TNR: variants seen among roughly 807,000 people sequenced by gnomAD.
The protein encoded by TNR is tenascin R.
TNR carries 45 observed loss-of-function variants against 150.4 expected under a neutral mutation model. The observed-to-expected ratio is 0.30, with a 90% CI of 0.24 to 0.38. The LOEUF (loss-of-function observed/expected upper bound fraction) is 0.38, where lower values mean the gene tolerates loss of function less well. Among genes scored for constraint, TNR ranks in the 10% least tolerant of loss-of-function variants. The probability of loss-of-function intolerance (pLI) is 1.00; values close to 1 mark genes in which losing one functional copy is unlikely to be tolerated. For synonymous variants in TNR, 687 were observed against 678.4 expected (o/e 1.01, Z -0.20); for missense variants, 1,544 against 1,759.1 (o/e 0.88, Z 2.19).
intron 2 of TNR, among the ~76,000 whole-genome samples, chr1:175,512,967 A>G (rs764259373): frequency 6.6e-6 from 1 of 152,206 alleles, no homozygotes; most frequent in Non-Finnish European, 1.5e-5. Context: ...CCAAGGCATC[A>G]GCCATTTCCT....
At chr1:175,479,581 A>G (rs2102126383) in intron 2 of TNR, among the ~76,000 whole-genome samples, 1 of 152,252 alleles carries the variant, frequency 6.6e-6, no homozygotes, top group South Asian at 2.1e-4. Context: ...TTTTGTGCCT[A>G]GGTCTCCTGG....
chr1:175,603,615 C>T (rs770646938), intron 1 of TNR, among the ~76,000 whole-genome samples: 7 of 152,224 alleles, frequency 4.6e-5, no homozygotes, highest in Non-Finnish European at 1.0e-4. Context: ...AAGTAATAGC[C>T]ATTGCTCACA....
chr1:175,453,736 T>C (rs1031765222), intron 2 of TNR, among the ~76,000 whole-genome samples: 1 of 152,002 alleles, frequency 6.6e-6, no homozygotes, highest in East Asian at 1.9e-4. Context: ...CACACCTGGC[T>C]AATTAAAAAA....
chr1:175,639,177 C>T (rs536569738), intron 1 of TNR, among the ~76,000 whole-genome samples: 1 of 152,272 alleles, frequency 6.6e-6, no homozygotes, highest in African/African-American at 2.4e-5. Flanking sequence ...GTTTAAATCT[C>T]AAGTCAGATG....
Position 175,320,170 on chromosome 1 carries a change from G to A in TNR, c.*3187C>T, listed in dbSNP as rs999924341. The A allele has an allele frequency of 6.6e-6, 1 of 152,300 alleles. No homozygotes were observed. Among genetic ancestry groups the A allele is most frequent in the Non-Finnish European group, 1.5e-5 (1 of 68,062 alleles). 9.4% of individuals were successfully genotyped at this position (152,300 alleles called of 1,614,324 possible). The stretch of plus-strand genomic sequence containing the variant: ...TTTGAGTCCCTTGAGGGAAACTGGT[G>A]TGCATAGGGTGGGTGCTTTGAGAGT... On this transcript the variant is annotated 3_prime_UTR_variant, in exon 23 of 23. Coordinates refer to ENST00000367674, the MANE Select transcript of TNR (RefSeq NM_003285.3).
intron 17 of TNR, 38 bp from the exon 18 acceptor site, chr1:175,354,561 C>A (rs754614405): frequency 1.9e-6 from 3 of 1,612,892 alleles, no homozygotes; most frequent in Non-Finnish European, 1.7e-6. Flanking sequence ...TGGAAGGGAG[C>A]AACTGGCTTG....
intron 13 of TNR, 66 bp downstream of exon 13, chr1:175,363,642 A>G: frequency 1.3e-6 from 2 of 1,568,834 alleles, no homozygotes; most frequent in South Asian, 2.4e-5. Flanking sequence ...TCTGCGGGAT[A>G]TGCTAGTTCT....
Position 175,357,661 on chromosome 1 carries a change from C to T in TNR, c.2975-1199G>A, listed in dbSNP as rs74773849. On this transcript the variant is annotated intron_variant, in intron 15 of 22. Transcript: ENST00000367674. ...CCTTTCTTCTCCTTTTCTTCTTTCA[C>T]TTTATCTAAGACTTTTCTTCTTTCT... Among the ~76,000 whole-genome samples the T allele has an allele frequency of 1.6e-3, 251 of 152,278 alleles. 1 individual carries two copies. Among genetic ancestry groups the T allele is most frequent in the African/African-American group, 5.7e-3 (238 of 41,554 alleles).
intron 1 of TNR, among the ~76,000 whole-genome samples, chr1:175,638,513 A>G (rs916511640): frequency 9.9e-5 from 15 of 152,224 alleles, no homozygotes; most frequent in African/African-American, 3.6e-4. Flanking sequence ...ACAAATGACC[A>G]TCCAGCAAAA....
chr1:175,593,302 C>T (rs953445656), intron 1 of TNR, among the ~76,000 whole-genome samples: 9 of 152,178 alleles, frequency 5.9e-5, no homozygotes, highest in Admixed American at 5.9e-4. Flanking sequence ...TCCAACCCAG[C>T]CCTTTACACT....
At chr1:175,625,232 A>G (rs1664111124) in intron 1 of TNR, among the ~76,000 whole-genome samples, 1 of 152,226 alleles carries the variant, frequency 6.6e-6, no homozygotes. Flanking sequence ...CTCAACTGTG[A>G]AAAACAACAG....
At chr1:175,597,621 C>T (rs956163972) in intron 1 of TNR, among the ~76,000 whole-genome samples, 6 of 152,246 alleles carry the variant, frequency 3.9e-5, no homozygotes, top group Non-Finnish European at 8.8e-5. Flanking sequence ...TCTATACCTG[C>T]TGATGGTTTT....
At position 175,320,750 on chromosome 1, in the gene TNR, C is replaced by T; in HGVS notation, c.*2607G>A. The T allele has an allele frequency of 6.7e-6, 1 of 149,024 alleles. No homozygotes were observed. 9.2% of individuals were successfully genotyped at this position (149,024 alleles called of 1,614,324 possible). Reference sequence around the variant, plus strand: ...TTTTACTTATGACTCCTGAATCAATCTCTCTCTTTTCTTTCCCTCCCTCCC... The same window carrying T: ...TTTTACTTATGACTCCTGAATCAATTTCTCTCTTTTCTTTCCCTCCCTCCC... On this transcript the variant is annotated 3_prime_UTR_variant, in exon 23 of 23. Coordinates refer to ENST00000367674, the MANE Select transcript of TNR (RefSeq NM_003285.3).
At chr1:175,340,121 G>A (rs962007619) in intron 18 of TNR, among the ~76,000 whole-genome samples, 1 of 152,110 alleles carries the variant, frequency 6.6e-6, no homozygotes, top group African/African-American at 2.4e-5. Flanking sequence ...TTTCTAAGGG[G>A]TGCCAAACAC....
intron 14 of TNR, among the ~76,000 whole-genome samples, chr1:175,359,956 C>G (rs1651517799): frequency 6.6e-6 from 1 of 152,184 alleles, no homozygotes; most frequent in African/African-American, 2.4e-5. Flanking sequence ...CAGTCGCCCC[C>G]AGCTCTTCCT....
intron 2 of TNR, among the ~76,000 whole-genome samples, chr1:175,523,033 G>T (rs144866785): frequency 7.9e-5 from 12 of 152,292 alleles, no homozygotes; most frequent in Admixed American, 5.9e-4. Flanking sequence ...CTGCACGTGG[G>T]TCCCATCATG....
At chr1:175,342,285 G>T (rs1557875026) in intron 18 of TNR, among the ~76,000 whole-genome samples, 1 of 152,162 alleles carries the variant, frequency 6.6e-6, no homozygotes, top group Non-Finnish European at 1.5e-5. Context: ...TGGGGGCCCG[G>T]GATAGGGCAA....
Position 175,362,656 on chromosome 1 carries a change from T to A in TNR, c.2854+7A>T, listed in dbSNP as rs1238019370. On this transcript the variant is annotated splice_region_variant and intron_variant, in intron 14 of 22. Coordinates refer to ENST00000367674, the MANE Select transcript of TNR (RefSeq NM_003285.3). The stretch of plus-strand genomic sequence containing the variant: ...TCTGACTTGACACAGCAGGGAGACA[T>A]TCCCACCTGTGTGCACAAGAGTACA... 1 of 1,612,708 alleles carries A rather than the reference T, an allele frequency of 6.2e-7. No individual in the cohort carries two copies. The highest frequency in any genetic ancestry group is 8.5e-7 in the Non-Finnish European group (1 of 1,179,006).
At chr1:175,638,740 A>G (rs750395751) in intron 1 of TNR, among the ~76,000 whole-genome samples, 5 of 152,132 alleles carry the variant, frequency 3.3e-5, no homozygotes, top group Non-Finnish European at 5.9e-5. Flanking sequence ...ACCAAGTCCA[A>G]ATTCCAACAA....
Sources: allele counts gnomAD v4.1 joint callset (sites outside exome capture counted in the v4.1 genomes callset), GRCh38; gene constraint gnomAD v4.1.1; transcripts MANE v1.5; gene names NCBI Gene and HGNC (gene_info 2026-07-23, HGNC 2026-07-21).